The following WDR72 variants were observed in gnomAD, a reference collection of about 807,000 sequenced individuals.
The protein encoded by WDR72 is WD repeat-containing protein 72.
In WDR72, 120 loss-of-function variants were observed where a neutral mutation model predicts 124.2. That is an observed-to-expected ratio of 0.97 (90% CI 0.83 to 1.12). The LOEUF (loss-of-function observed/expected upper bound fraction) is 1.12, where lower values mean the gene tolerates loss of function less well. WDR72 is among the 50% of genes most tolerant of loss of function. The pLI, the probability that WDR72 is intolerant of heterozygous loss-of-function variation, is 0.00. For synonymous variants in WDR72, 452 were observed against 441.7 expected (o/e 1.02, Z -0.29); for missense variants, 1,387 against 1,278.8 (o/e 1.08, Z -1.29).
At chr15:53,631,881 A>C (rs1479751512) in intron 14 of WDR72, among the ~76,000 whole-genome samples, 2 of 152,314 alleles carry the variant, frequency 1.3e-5, no homozygotes, top group East Asian at 1.9e-4. Flanking sequence ...CATATGAGCA[A>C]AGAGAAGTAG....
chr15:53,611,137 A>T (rs16966302), intron 16 of WDR72, among the ~76,000 whole-genome samples: 21,122 of 152,008 alleles, frequency 0.14, 2,273 homozygotes, highest in African/African-American at 0.3. Flanking sequence ...CTGGTTCCTA[A>T]CAACGTTTTA....
At chr15:53,679,759 G>T (rs1249314396) in intron 13 of WDR72, among the ~76,000 whole-genome samples, 1 of 152,132 alleles carries the variant, frequency 6.6e-6, no homozygotes, top group Non-Finnish European at 1.5e-5. Context: ...ACTTTGGGAA[G>T]AATCTCAGAG....
In WDR72 at chr15:53,615,858, G is replaced by A. The variant is rs267607178; in HGVS notation, c.2348C>T (p.Ser783Leu). 6.2e-7 allele frequency: 1 copy of A among 1,613,588 alleles called. No individual in the cohort carries two copies. The highest frequency in any genetic ancestry group is 1.7e-5 in the Admixed American group (1 of 59,942). ...KISKKMQPKP[S>L]RKVDASLTID... Reference sequence around the variant, plus strand: ...TGTGAGACTGGCATCTACTTTTCTTGATGGCTTAGGCTGCATTTTTTTGGA... The same window carrying A: ...TGTGAGACTGGCATCTACTTTTCTTAATGGCTTAGGCTGCATTTTTTTGGA... Residue 783 changes from serine to leucine, a missense_variant, in exon 15 of 20, where the codon TCA becomes TTA. By Grantham distance (145) the Ser-to-Leu change is moderately radical. Transcript: ENST00000360509.
chr15:53,651,799 C>T (rs555565482), intron 14 of WDR72, among the ~76,000 whole-genome samples: 23 of 152,080 alleles, frequency 1.5e-4, no homozygotes, highest in Non-Finnish European at 2.2e-4. Flanking sequence ...ACTAAAGGTG[C>T]GCGACACCAT....
At chr15:53,573,833 A>C (rs924004106) in intron 18 of WDR72, among the ~76,000 whole-genome samples, 2 of 152,260 alleles carry the variant, frequency 1.3e-5, no homozygotes, top group Non-Finnish European at 2.9e-5. Context: ...GGCGTGAGCC[A>C]CGGCGCCCAG....
intron 18 of WDR72, among the ~76,000 whole-genome samples, chr15:53,564,089 T>C (rs1281577140): frequency 6.6e-6 from 1 of 151,806 alleles, no homozygotes; most frequent in African/African-American, 2.4e-5. Flanking sequence ...TCAAAAAATA[T>C]GTCAAGGTGT....
At chr15:53,549,456 G>A (rs188008926) in intron 18 of WDR72, among the ~76,000 whole-genome samples, 232 of 152,172 alleles carry the variant, frequency 1.5e-3, no homozygotes, top group Non-Finnish European at 1.8e-3. Flanking sequence ...TCCTCAAAAC[G>A]ACCCTGCCGA....
At chr15:53,578,448 A>G (rs868037642) in intron 18 of WDR72, among the ~76,000 whole-genome samples, 1 of 152,290 alleles carries the variant, frequency 6.6e-6, no homozygotes, top group Middle Eastern at 3.4e-3. Flanking sequence ...GGCCTTGCTC[A>G]GTGCTTGGCT....
At chr15:53,555,212 T>TTAA (rs113599602) in intron 18 of WDR72, among the ~76,000 whole-genome samples, 1 of 148,472 alleles carries the variant, frequency 6.7e-6, no homozygotes, top group Non-Finnish European at 1.5e-5. Flanking sequence ...CCATTTAAGA[T>TTAA]AAAAAAAAAA....
chr15:53,640,885 A>T (rs1236958964), intron 14 of WDR72, among the ~76,000 whole-genome samples: 3 of 150,814 alleles, frequency 2.0e-5, no homozygotes, highest in Admixed American at 6.7e-5. Flanking sequence ...TTTATATATA[A>T]AGATATTAAT....
At chr15:53,588,095 C>T (rs140490439) in intron 18 of WDR72, among the ~76,000 whole-genome samples, 1 of 152,148 alleles carries the variant, frequency 6.6e-6, no homozygotes, top group Non-Finnish European at 1.5e-5. Flanking sequence ...CTTATAATCA[C>T]CATTTCCATT....
At chr15:53,649,150 GCCAAATCCTGCCTA>G (rs1393156985) in intron 14 of WDR72, among the ~76,000 whole-genome samples, 3 of 152,040 alleles carry the variant, frequency 2.0e-5, no homozygotes, top group African/African-American at 7.3e-5. Context: ...TGACCTGTAG[GCCAAATCCTGCCTA>G]CCACTTCTCT....
intron 13 of WDR72, among the ~76,000 whole-genome samples, chr15:53,667,893 T>C (rs1371767079): frequency 6.6e-6 from 1 of 152,236 alleles, no homozygotes; most frequent in Non-Finnish European, 1.5e-5. Flanking sequence ...TTTTTAGTGA[T>C]GAAAACAGTT....
chr15:53,661,358 T>C (rs1567011525), intron 14 of WDR72, among the ~76,000 whole-genome samples: 1 of 152,232 alleles, frequency 6.6e-6, no homozygotes, highest in East Asian at 1.9e-4. Flanking sequence ...AGAGATCACA[T>C]GGTGAAAAGG....
In WDR72 at chr15:53,597,171, T is replaced by C; in HGVS notation, c.3056A>G (p.Asn1019Ser). The change falls in exon 18 of 20, where the codon AAT becomes AGT. Residue 1019 changes from asparagine (N) to serine (S), a missense_variant. Physicochemically the swap from Asn to Ser is conservative, Grantham distance 46 (BLOSUM62 1). Coordinates refer to ENST00000360509, the MANE Select transcript of WDR72 (RefSeq NM_182758.4). ...VNSQPVSMAE[N>S]GNCEMKQMLP... ...CATCTGCTTCATCTCACAGTTACCA[T>C]TCTCTGCCATGGACACTGGTTGACT... 1 of 1,613,934 alleles carries C rather than the reference T, an allele frequency of 6.2e-7. No homozygotes were observed. Among genetic ancestry groups the C allele is most frequent in the Non-Finnish European group, 8.5e-7 (1 of 1,179,876 alleles).
chr15:53,640,700 G>A (rs930146761), intron 14 of WDR72, among the ~76,000 whole-genome samples: 1 of 152,052 alleles, frequency 6.6e-6, no homozygotes, highest in South Asian at 2.1e-4. Flanking sequence ...CTTTTGTCAT[G>A]CTGTCAAAAA....
intron 18 of WDR72, among the ~76,000 whole-genome samples, chr15:53,571,307 A>G (rs1446862024): frequency 1.3e-5 from 2 of 150,842 alleles, no homozygotes; most frequent in East Asian, 1.9e-4. Context: ...CAAACAAAAC[A>G]TACTTTGAAT....
chr15:53,700,122 C>G lies in WDR72; in HGVS notation c.1570-177G>C, dbSNP rs116561823. Among the ~76,000 whole-genome samples the G allele has an allele frequency of 2.0e-3, 304 of 152,268 alleles. 2 individuals are homozygous for G. Among genetic ancestry groups the G allele is most frequent in the African/African-American group, 7.1e-3 (295 of 41,532 alleles). ...ACCCTCTACAGAGGAGCTTTAAACACAGAGTGGAGTCTAAGCTCAACAACT... is the reference window on the plus strand; with the variant it reads ...ACCCTCTACAGAGGAGCTTTAAACAGAGAGTGGAGTCTAAGCTCAACAACT... On this transcript the variant is annotated intron_variant, in intron 12 of 19. Coordinates refer to ENST00000360509, the MANE Select transcript of WDR72 (RefSeq NM_182758.4).
chr15:53,716,473 A>G (rs2017710793), intron 4 of WDR72, 134 bp downstream of exon 4: 1 of 722,846 alleles, frequency 1.4e-6, no homozygotes, highest in East Asian at 2.7e-5. Context: ...TACTGGTGAT[A>G]TTTGACCCTC....
Sources: gnomAD v4.1 joint callset for allele counts (sites outside exome capture counted in the v4.1 genomes callset) on GRCh38, gnomAD v4.1.1 for gene constraint, MANE v1.5 for transcripts, NCBI Gene and HGNC (gene_info 2026-07-23, HGNC 2026-07-21) for gene names.